CACNA1C: variants seen among roughly 807,000 people sequenced by gnomAD.
CACNA1C encodes the protein voltage-dependent L-type calcium channel subunit alpha-1C.
CACNA1C carries 30 observed loss-of-function variants against 229.0 expected under a neutral mutation model. The ratio of observed to expected loss-of-function variants is 0.13; its 90% CI spans 0.10 to 0.18. CACNA1C has a LOEUF of 0.18. Among genes scored for constraint, CACNA1C ranks in the 10% least tolerant of loss-of-function variants. The probability of loss-of-function intolerance (pLI) is 1.00; values close to 1 mark genes in which losing one functional copy is unlikely to be tolerated. For missense variants in CACNA1C, 1,658 were observed against 2,845.0 expected, an observed-to-expected ratio of 0.58 and a Z score of 9.49; for synonymous variants, 1,114 against 1,132.5, an observed-to-expected ratio of 0.98 and a Z score of 0.33.
chr12:2,137,549 G>A (rs1410555158), intron 3 of CACNA1C, among the ~76,000 whole-genome samples: 2 of 151,252 alleles, frequency 1.3e-5, no homozygotes, highest in Admixed American at 1.3e-4. Flanking sequence ...TTACACCAGG[G>A]TGATGGGGCG....
In CACNA1C at chr12:2,588,245, G is replaced by A. The variant is rs146307101; in HGVS notation, c.2530+2341G>A. 5.5e-4 allele frequency among the ~76,000 whole-genome samples: 84 copies of A among 152,340 alleles called. 1 individual carries two copies. The highest frequency in any genetic ancestry group is 1.8e-3 in the African/African-American group (73 of 41,570). ...GGCAAAGATCCTGATCTACCATTGT[G>A]CTCCCAACCGCTGCCCCTTCCAGGC... On this transcript the variant is annotated intron_variant, in intron 18 of 46. Transcript: ENST00000399655.
At position 2,281,969 on chromosome 12, in the gene CACNA1C, CT is replaced by C. The variant is rs1172926748; in HGVS notation, c.477+161547del. On this transcript the variant is annotated intron_variant, in intron 3 of 46. Transcript: ENST00000399655. ...ACTGGCACTTTCATTTTATTTAATT[CT>C]TTTTTTTCTATGTCCTTCATTTTGG... Among the ~76,000 whole-genome samples the C allele has an allele frequency of 3.3e-5, 5 of 151,750 alleles. 1 individual carries two copies. Among genetic ancestry groups the C allele is most frequent in the Admixed American group, 6.6e-5 (1 of 15,254 alleles).
chr12:2,460,560 G>A (rs1231927901), intron 5 of CACNA1C, among the ~76,000 whole-genome samples: 1 of 152,186 alleles, frequency 6.6e-6, no homozygotes, highest in African/African-American at 2.4e-5. Context: ...GAAATTTCCC[G>A]AGGACGGAGC....
intron 14 of CACNA1C, among the ~76,000 whole-genome samples, 152 bp downstream of exon 14, chr12:2,581,949 T>G (rs1167274675): frequency 1.3e-5 from 2 of 150,528 alleles, no homozygotes; most frequent in African/African-American, 4.9e-5. Flanking sequence ...CTTGAGTTTT[T>G]TCTGTAGTTT....
At chr12:2,085,722 T>A (rs2067335594) in intron 1 of CACNA1C, among the ~76,000 whole-genome samples, 1 of 152,172 alleles carries the variant, frequency 6.6e-6, no homozygotes, top group African/African-American at 2.4e-5. Flanking sequence ...CCTCATCCTG[T>A]ACTGTGTCAC....
intron 3 of CACNA1C, among the ~76,000 whole-genome samples, chr12:2,176,747 A>G (rs2096657585): frequency 6.6e-6 from 1 of 152,186 alleles, no homozygotes; most frequent in Non-Finnish European, 1.5e-5. Flanking sequence ...GTCTCTAAAC[A>G]ATGGCTACAT....
intron 1 of CACNA1C, chr12:2,020,024 T>G (rs2046165757): frequency 6.6e-6 from 1 of 152,180 alleles, no homozygotes; most frequent in Admixed American, 6.5e-5. Context: ...TCTCTCTTTC[T>G]CTCTCTGACA....
At chr12:2,227,441 T>C (rs1187593479) in intron 3 of CACNA1C, among the ~76,000 whole-genome samples, 1 of 152,224 alleles carries the variant, frequency 6.6e-6, no homozygotes, top group Admixed American at 6.5e-5. Flanking sequence ...TTTCAGAGTC[T>C]GCCAAATGAA....
chr12:1,983,452 T>C (rs1239283183), intron 1 of CACNA1C, among the ~76,000 whole-genome samples: 2 of 152,060 alleles, frequency 1.3e-5, no homozygotes, highest in Non-Finnish European at 2.9e-5. Context: ...TCAGTTCAAA[T>C]GTTCTCTAAT....
chr12:2,350,621 G>C (rs2097177276), intron 3 of CACNA1C, among the ~76,000 whole-genome samples: 1 of 152,218 alleles, frequency 6.6e-6, no homozygotes, highest in Non-Finnish European at 1.5e-5. Context: ...GAACTGAAGA[G>C]CCCGAATGCC....
At chr12:2,343,576 TG>T (rs2096924455) in intron 3 of CACNA1C, among the ~76,000 whole-genome samples, 2 of 152,318 alleles carry the variant, frequency 1.3e-5, no homozygotes, top group South Asian at 4.1e-4. Context: ...CAAATCTAGC[TG>T]GGTGTCCTGT....
At chr12:2,478,545 T>A (rs1216532230) in intron 5 of CACNA1C, among the ~76,000 whole-genome samples, 1 of 152,240 alleles carries the variant, frequency 6.6e-6, no homozygotes, top group African/African-American at 2.4e-5. Context: ...GTCACGCTTC[T>A]AAGACCACAC....
chr12:2,210,313 C>T (rs1455723898), intron 3 of CACNA1C, among the ~76,000 whole-genome samples: 1 of 152,186 alleles, frequency 6.6e-6, no homozygotes, highest in Admixed American at 6.5e-5. Context: ...ATGAACTCTT[C>T]CATAGTTGGG....
intron 3 of CACNA1C, among the ~76,000 whole-genome samples, chr12:2,382,808 T>TG (rs1166102242): frequency 6.6e-6 from 1 of 152,210 alleles, no homozygotes; most frequent in African/African-American, 2.4e-5. Context: ...TGCATCGATG[T>TG]GGAACTGACT....
intron 3 of CACNA1C, among the ~76,000 whole-genome samples, chr12:2,317,096 TGTG>T (rs751390007): frequency 6.6e-6 from 1 of 152,170 alleles, no homozygotes; most frequent in African/African-American, 2.4e-5. Context: ...AGAAAAATGG[TGTG>T]GTGTTTCCTT....
At chr12:2,507,344 CAT>C (rs746719619) in intron 8 of CACNA1C, among the ~76,000 whole-genome samples, 71 of 152,272 alleles carry the variant, frequency 4.7e-4, no homozygotes, top group Admixed American at 9.8e-4. Flanking sequence ...GGCCTCTCCT[CAT>C]GTGTCAAGGG....
intron 3 of CACNA1C, among the ~76,000 whole-genome samples, chr12:2,332,933 C>G (rs1399234399): frequency 6.6e-6 from 1 of 152,082 alleles, no homozygotes; most frequent in Non-Finnish European, 1.5e-5. Context: ...AGGAAGTATC[C>G]TAAAGGCAGA....
chr12:2,085,810 G>T (rs1454255885), intron 1 of CACNA1C, among the ~76,000 whole-genome samples: 1 of 152,148 alleles, frequency 6.6e-6, no homozygotes, highest in Non-Finnish European at 1.5e-5. Context: ...CACTGTAAAT[G>T]ATAGGTGGTC....
intron 3 of CACNA1C, among the ~76,000 whole-genome samples, chr12:2,309,596 A>G (rs1412881209): frequency 6.6e-6 from 1 of 152,240 alleles, no homozygotes; most frequent in Non-Finnish European, 1.5e-5. Flanking sequence ...CACCTTAAAT[A>G]TATACAATTT....
Sources: allele counts gnomAD v4.1 joint callset (sites outside exome capture counted in the v4.1 genomes callset), GRCh38; gene constraint gnomAD v4.1.1; transcripts MANE v1.5; gene names NCBI Gene and HGNC (gene_info 2026-07-23, HGNC 2026-07-21).